DGKG: variants seen among roughly 807,000 people sequenced by gnomAD.
DGKG encodes the protein DAG kinase gamma.
In DGKG, 78 loss-of-function variants were observed where a neutral mutation model predicts 105.3. That is an observed-to-expected ratio of 0.74 (90% CI 0.62 to 0.89). DGKG has a LOEUF of 0.89. DGKG is among the 40% of genes least tolerant of loss of function. The pLI is 0.00. For synonymous variants in DGKG, 346 were observed against 367.1 expected (o/e 0.94, Z 0.66); for missense variants, 958 against 1,020.1 (o/e 0.94, Z 0.83).
chr3:186,161,361 T>C (rs1207972427), intron 24 of DGKG: 2 of 1,356,806 alleles, frequency 1.5e-6, no homozygotes, highest in East Asian at 3.0e-5. Flanking sequence ...CTCCTCGAAG[T>C]TGGTTCTATG....
intron 20 of DGKG, among the ~76,000 whole-genome samples, chr3:186,222,507 T>TA (rs1378291436): frequency 1.3e-5 from 2 of 152,184 alleles, no homozygotes; most frequent in East Asian, 3.9e-4. Flanking sequence ...ATTGACACAA[T>TA]ATGACCTACC....
At chr3:186,249,302 T>C (rs1157368443) in intron 19 of DGKG, among the ~76,000 whole-genome samples, 1 of 152,136 alleles carries the variant, frequency 6.6e-6, no homozygotes, top group Non-Finnish European at 1.5e-5. Context: ...AACCCGATCA[T>C]GGGCCCAGCA....
intron 19 of DGKG, among the ~76,000 whole-genome samples, chr3:186,246,738 G>A (rs1720961571): frequency 6.6e-6 from 1 of 152,204 alleles, no homozygotes; most frequent in Admixed American, 6.5e-5. Flanking sequence ...GTCTTGTTGA[G>A]AAATTCCCTA....
At chr3:186,309,489 T>A (rs578120697) in intron 2 of DGKG, among the ~76,000 whole-genome samples, 1 of 152,206 alleles carries the variant, frequency 6.6e-6, no homozygotes, top group East Asian at 1.9e-4. Flanking sequence ...AAAGAGAAGT[T>A]AGAATGAGAC....
chr3:186,222,702 G>A (rs747332759), intron 20 of DGKG, among the ~76,000 whole-genome samples: 14 of 151,906 alleles, frequency 9.2e-5, no homozygotes, highest in Non-Finnish European at 1.8e-4. Flanking sequence ...AATTAGGCCA[G>A]GCGCAGTGGG....
At chr3:186,240,282 A>G (rs1720621441) in intron 20 of DGKG, among the ~76,000 whole-genome samples, 1 of 152,094 alleles carries the variant, frequency 6.6e-6, no homozygotes, top group South Asian at 2.1e-4. Flanking sequence ...TTTTGCTCCC[A>G]TAGGTCACCT....
intron 1 of DGKG, among the ~76,000 whole-genome samples, chr3:186,338,740 C>T (rs1405987604): frequency 6.6e-6 from 1 of 151,996 alleles, no homozygotes; most frequent in Non-Finnish European, 1.5e-5. Context: ...CTATCTAGGT[C>T]TGCTTCTTTC....
intron 3 of DGKG, among the ~76,000 whole-genome samples, chr3:186,304,257 G>A (rs1018517511): frequency 3.3e-5 from 5 of 152,210 alleles, no homozygotes; most frequent in East Asian, 3.8e-4. Context: ...GGGGTGGGGG[G>A]TGTGGGGCAG....
intron 22 of DGKG, among the ~76,000 whole-genome samples, chr3:186,178,448 A>C (rs926155417): frequency 6.6e-6 from 1 of 152,128 alleles, no homozygotes; most frequent in Non-Finnish European, 1.5e-5. Context: ...CCTGCCAAAG[A>C]GCCTAGCCTA....
At chr3:186,318,045 C>T (rs1410089151) in intron 2 of DGKG, among the ~76,000 whole-genome samples, 2 of 152,182 alleles carry the variant, frequency 1.3e-5, no homozygotes, top group African/African-American at 4.8e-5. Context: ...CACGAATTAG[C>T]ATTTGTTCAT....
chr3:186,333,973 C>T (rs1252367843), intron 1 of DGKG, among the ~76,000 whole-genome samples: 1 of 152,146 alleles, frequency 6.6e-6, no homozygotes, highest in Non-Finnish European at 1.5e-5. Flanking sequence ...GTAGAAGGAA[C>T]TTGAGGTCAG....
intron 22 of DGKG, among the ~76,000 whole-genome samples, chr3:186,186,610 AG>A (rs1465406790): frequency 6.6e-6 from 1 of 152,216 alleles, no homozygotes; most frequent in Non-Finnish European, 1.5e-5. Context: ...TTGTTTTTAC[AG>A]TAAAGAAAAC....
At position 186,231,769 on chromosome 3, in the gene DGKG, A is replaced by C. The variant is rs376090721; in HGVS notation, c.1826+10735T>G. On this transcript the variant is annotated intron_variant, in intron 20 of 24. Transcript: ENST00000265022. This position sits in a 1 kb window ranked among gnomAD's most constrained non-coding sequence, Gnocchi z 4.5. ...CCCGCTCTCTACTAAAAATACAAAA[A>C]AATTAGCTGGGCATGGTGGCGCGCA... Among the ~76,000 whole-genome samples the C allele has an allele frequency of 6.6e-6, 1 of 152,040 alleles. No homozygotes were observed. Among genetic ancestry groups the C allele is most frequent in the African/African-American group, 2.4e-5 (1 of 41,388 alleles).
At chr3:186,298,986 C>G (rs987350333) in intron 3 of DGKG, among the ~76,000 whole-genome samples, 1 of 152,190 alleles carries the variant, frequency 6.6e-6, no homozygotes, top group African/African-American at 2.4e-5. Flanking sequence ...GTGCCAAAAA[C>G]TAGACCCTCT....
At chr3:186,322,847 C>T (rs1019503200) in intron 1 of DGKG, among the ~76,000 whole-genome samples, 1 of 152,196 alleles carries the variant, frequency 6.6e-6, no homozygotes, top group Non-Finnish European at 1.5e-5. Flanking sequence ...CCCAGCCGCT[C>T]GGGTTATGCC....
At chr3:186,270,341 G>A (rs1722259634) in intron 11 of DGKG, among the ~76,000 whole-genome samples, 1 of 152,286 alleles carries the variant, frequency 6.6e-6, no homozygotes, top group South Asian at 2.1e-4. Context: ...TGTTGCCCCG[G>A]CTGGTCTCAA....
At chr3:186,218,984 G>T (rs531011333) in intron 20 of DGKG, among the ~76,000 whole-genome samples, 1 of 152,118 alleles carries the variant, frequency 6.6e-6, no homozygotes, top group African/African-American at 2.4e-5. Flanking sequence ...AGCAAATCAG[G>T]TATAACAGAA....
chr3:186,288,841 T>C lies in DGKG; in HGVS notation c.413A>G (p.Gln138Arg), dbSNP rs750744469. The C allele has an allele frequency of 3.2e-5, 52 of 1,604,746 alleles. No homozygotes were observed. The East Asian group carries it at 1.1e-3, about 35-fold the overall frequency. The stretch of plus-strand genomic sequence containing the variant: ...GGGTTCCAGGGGGGTCGCAGCCACT[T>C]GGTCTTCAGCTGGTGCTTGCTTCTC... ...MAEKQAPAED[Q>R]VAATPLEPPV... is the part of the protein sequence containing the mutation. Residue 138 changes from glutamine (Q) to arginine (R), a missense_variant, in exon 6 of 25, where the codon CAA becomes CGA. By Grantham distance (43) the Gln-to-Arg change is conservative. Around this residue, in one of 2 missense-constraint regions of DGKG, gnomAD observed 643 missense variants for 619.5 expected, o/e 1.04. Transcript: ENST00000265022.
intron 19 of DGKG, among the ~76,000 whole-genome samples, chr3:186,248,571 T>C (rs1721058586): frequency 6.6e-6 from 1 of 152,220 alleles, no homozygotes; most frequent in Non-Finnish European, 1.5e-5. Context: ...TCCCAGACCT[T>C]ACCCAGACCT....
Sources: allele counts gnomAD v4.1 joint callset (sites outside exome capture counted in the v4.1 genomes callset), GRCh38; gene constraint gnomAD v4.1.1; regional missense constraint gnomAD v4.1.1; non-coding constraint Gnocchi (gnomAD v3.1); transcripts MANE v1.5; gene names NCBI Gene and HGNC (gene_info 2026-07-23, HGNC 2026-07-21).